The following OTUD7A variants were observed in gnomAD, a reference collection of about 807,000 sequenced individuals.
The protein encoded by OTUD7A is OTU deubiquitinase 7A, also known as OTU domain-containing protein 7A.
A neutral mutation model predicts 65.7 loss-of-function variants in OTUD7A; 12 were observed. The ratio of observed to expected loss-of-function variants is 0.18; its 90% CI spans 0.12 to 0.30. The LOEUF (loss-of-function observed/expected upper bound fraction) is 0.30. OTUD7A is among the 10% of genes least tolerant of loss of function. OTUD7A has a pLI of 1.00. For missense variants in OTUD7A, 1,148 were observed against 1,304.8 expected (o/e 0.88, Z 1.85); for synonymous variants, 641 against 586.3 (o/e 1.09, Z -1.35).
chr15:31,857,801 A>C (rs1897616044), intron 1 of OTUD7A, among the ~76,000 whole-genome samples: 1 of 152,134 alleles, frequency 6.6e-6, no homozygotes, highest in Non-Finnish European at 1.5e-5. Context: ...TCTACTTTGG[A>C]CTTTCAATTC....
chr15:31,741,909 A>G (rs1197987379), intron 1 of OTUD7A, among the ~76,000 whole-genome samples: 2 of 152,120 alleles, frequency 1.3e-5, no homozygotes, highest in Non-Finnish European at 2.9e-5. Context: ...TTATGAAAAG[A>G]ATAATAATAT....
intron 1 of OTUD7A, among the ~76,000 whole-genome samples, chr15:31,662,794 T>C (rs1892201904): frequency 6.6e-6 from 1 of 152,204 alleles, no homozygotes; most frequent in South Asian, 2.1e-4. Context: ...ATTGAAGACT[T>C]AGGAGTTTTT....
At position 31,553,297 on chromosome 15, in the gene OTUD7A, C is replaced by A. The variant is rs116245666; in HGVS notation, c.550+5672G>T. Among the ~76,000 whole-genome samples, 582 of 152,266 alleles carry A rather than the reference C, an allele frequency of 3.8e-3. 6 individuals carry two copies. The highest frequency in any genetic ancestry group is 0.014 in the African/African-American group (561 of 41,534). The stretch of plus-strand genomic sequence containing the variant: ...CCTCAGCCCTCAATACTGTAGGGCC[C>A]CAGCCTGAGTCTTTGGAAAGCTTGT... On this transcript the variant is annotated intron_variant, in intron 5 of 12. Transcript: ENST00000307050.
chr15:31,649,727 C>T (rs1891779700), intron 3 of OTUD7A: 1 of 436,822 alleles, frequency 2.3e-6, no homozygotes, highest in South Asian at 1.6e-5. Context: ...TGAGTGAGCA[C>T]TCACCACTGC....
intron 1 of OTUD7A, among the ~76,000 whole-genome samples, chr15:31,735,798 A>G (rs1724418633): frequency 6.6e-6 from 1 of 152,248 alleles, no homozygotes; most frequent in South Asian, 2.1e-4. Flanking sequence ...CAGCAAAGAC[A>G]TGGAATCAAC....
chr15:31,849,990 G>C (rs926764989), intron 1 of OTUD7A, among the ~76,000 whole-genome samples: 3 of 152,196 alleles, frequency 2.0e-5, no homozygotes, highest in African/African-American at 7.2e-5. Context: ...AACCATTGTG[G>C]AAGACAGTGT....
chr15:31,496,787 A>G (rs1189544010), intron 10 of OTUD7A, among the ~76,000 whole-genome samples: 1 of 152,202 alleles, frequency 6.6e-6, no homozygotes, highest in Non-Finnish European at 1.5e-5. Context: ...GGCTGCTTCC[A>G]TGGCCCGGTG....
At position 31,578,955 on chromosome 15, in the gene OTUD7A, C is replaced by T. The variant is rs138506422; in HGVS notation, c.152-8758G>A. Among the ~76,000 whole-genome samples the T allele has an allele frequency of 4.2e-3, 634 of 152,294 alleles. 7 individuals are homozygous for T. Among genetic ancestry groups the T allele is most frequent in the Middle Eastern group, 0.01 (3 of 294 alleles). On this transcript the variant is annotated intron_variant, in intron 3 of 12. Transcript: ENST00000307050. ...CTTGGGCACATGTTATTAGGATCTC[C>T]GAGACCTGTGTCATGGGCCATGGTC...
intron 1 of OTUD7A, among the ~76,000 whole-genome samples, chr15:31,847,700 G>T (rs142404226): frequency 1.3e-5 from 2 of 152,096 alleles, no homozygotes; most frequent in Non-Finnish European, 2.9e-5. Context: ...GTCCATTCAC[G>T]CACTGGTATA....
At chr15:31,510,661 C>T (rs1454750363) in intron 8 of OTUD7A, among the ~76,000 whole-genome samples, 33 of 34 alleles carry the variant, frequency 0.97, 16 homozygotes, top group Non-Finnish European at 1. Context: ...ATGTAACATA[C>T]ATATGTATAT....
intron 1 of OTUD7A, among the ~76,000 whole-genome samples, chr15:31,806,561 G>A (rs1308657493): frequency 3.9e-5 from 6 of 152,146 alleles, no homozygotes; most frequent in East Asian, 3.9e-4. Context: ...AGGGTCTAGT[G>A]GGTTGCTGCA....
At chr15:31,752,821 T>C (rs1161541338) in intron 1 of OTUD7A, among the ~76,000 whole-genome samples, 1 of 152,138 alleles carries the variant, frequency 6.6e-6, no homozygotes, top group Non-Finnish European at 1.5e-5. Flanking sequence ...ATCTTTGCCA[T>C]ATAACAAAGT....
chr15:31,632,778 C>G (rs534074788), intron 3 of OTUD7A, among the ~76,000 whole-genome samples: 1 of 138,168 alleles, frequency 7.2e-6, no homozygotes, highest in Non-Finnish European at 1.5e-5. Context: ...CCACCCAGTT[C>G]GAGCTTCCCG....
intron 1 of OTUD7A, among the ~76,000 whole-genome samples, chr15:31,716,426 T>A (rs71399706): frequency 4.9e-5 from 5 of 102,328 alleles, no homozygotes; most frequent in African/African-American, 1.4e-4. Flanking sequence ...GATCATCTTG[T>A]TGAGATACAT....
At chr15:31,767,281 C>T (rs1483450916) in intron 1 of OTUD7A, 98 of 837,262 alleles carry the variant, frequency 1.2e-4, no homozygotes, top group Middle Eastern at 2.3e-4. Flanking sequence ...ACAACTACCA[C>T]GAAATGAAAC....
intron 5 of OTUD7A, among the ~76,000 whole-genome samples, chr15:31,554,966 T>C (rs1888443398): frequency 6.6e-6 from 1 of 152,302 alleles, no homozygotes; most frequent in South Asian, 2.1e-4. Context: ...GGTTGTGTTT[T>C]CCAGGGTTTG....
At chr15:31,597,242 GT>G (rs1889932712) in intron 3 of OTUD7A, among the ~76,000 whole-genome samples, 2 of 152,212 alleles carry the variant, frequency 1.3e-5, no homozygotes, top group South Asian at 4.1e-4. Context: ...TATTTTAAGT[GT>G]CTTTTGATGA....
At chr15:31,861,899 C>A (rs538925592) in intron 1 of OTUD7A, among the ~76,000 whole-genome samples, 29 of 152,326 alleles carry the variant, frequency 1.9e-4, no homozygotes, top group South Asian at 2.1e-4. Context: ...GGCACAGACA[C>A]CCCTGTGTCC....
At chr15:31,558,421 C>T (rs1888569051) in intron 5 of OTUD7A, 1 of 154,464 alleles carries the variant, frequency 6.5e-6, no homozygotes, top group East Asian at 1.9e-4. Context: ...TTTTGTGCTT[C>T]CTTAACCTGG....
Sources: gnomAD v4.1 joint callset for allele counts (sites outside exome capture counted in the v4.1 genomes callset) on GRCh38, gnomAD v4.1.1 for gene constraint, MANE v1.5 for transcripts, NCBI Gene and HGNC (gene_info 2026-07-23, HGNC 2026-07-21) for gene names.